Variants in HSDL2 observed in about 807,000 individuals in gnomAD.
The protein encoded by HSDL2 is hydroxysteroid dehydrogenase like 2.
HSDL2 carries 27 observed loss-of-function variants against 46.3 expected under a neutral mutation model. That is an observed-to-expected ratio of 0.58 (90% CI 0.43 to 0.80). The LOEUF (loss-of-function observed/expected upper bound fraction) is 0.80. HSDL2 is among the 30% of genes least tolerant of loss of function. The pLI is 0.00. For synonymous variants in HSDL2, 153 were observed against 163.6 expected, an observed-to-expected ratio of 0.94 and a Z score of 0.50; for missense variants, 451 against 502.7, an observed-to-expected ratio of 0.90 and a Z score of 0.98.
At chr9:112,399,500 C>T (rs1831538541) in intron 1 of HSDL2, among the ~76,000 whole-genome samples, 1 of 152,138 alleles carries the variant, frequency 6.6e-6, no homozygotes, top group African/African-American at 2.4e-5. Context: ...AGTTGGACCA[C>T]AAATTTACCA....
chr9:112,392,008 GTGTCGGCCAGC>G (rs1831356224), intron 1 of HSDL2, among the ~76,000 whole-genome samples: 1 of 152,200 alleles, frequency 6.6e-6, no homozygotes, highest in Non-Finnish European at 1.5e-5. Context: ...TTTTCCTTAA[GTGTCGGCCAGC>G]TGAGAAATAG....
At chr9:112,456,861 T>C (rs10759566) in intron 9 of HSDL2, among the ~76,000 whole-genome samples, 145,531 of 152,274 alleles carry the variant, frequency 0.96, 69,609 homozygotes, top group African/African-American at 0.98. Flanking sequence ...CTGCATGCCT[T>C]GAAAAATTGT....
chr9:112,461,380 C>G (rs1461057466), intron 10 of HSDL2, among the ~76,000 whole-genome samples: 1 of 152,036 alleles, frequency 6.6e-6, no homozygotes, highest in East Asian at 1.9e-4. Context: ...CGCCCGGCCC[C>G]TTTAATGATT....
At chr9:112,466,257 A>C (rs1276334076) in intron 10 of HSDL2, among the ~76,000 whole-genome samples, 1 of 152,000 alleles carries the variant, frequency 6.6e-6, no homozygotes, top group African/African-American at 2.4e-5. Context: ...TTTATTATTC[A>C]GTTTTAAGAA....
intron 8 of HSDL2, among the ~76,000 whole-genome samples, chr9:112,445,944 GT>G (rs1474388050): frequency 2.0e-5 from 3 of 152,304 alleles, no homozygotes; most frequent in Non-Finnish European, 2.9e-5. Flanking sequence ...CTCTACCAGA[GT>G]GGTACATTTG....
At position 112,418,827 on chromosome 9, in the gene HSDL2, TAATTA is replaced by T. The variant is rs747219815; in HGVS notation, c.500-27_500-23del. The T allele has an allele frequency of 9.0e-6, 11 of 1,215,894 alleles. No homozygotes were observed. In the African/African-American group the frequency reaches 9.4e-5, roughly 10 times the overall value. 75.3% of individuals were successfully genotyped at this position (1,215,894 alleles called of 1,614,324 possible). A position where few individuals can be genotyped will look rare whatever the true frequency, so the allele number is the denominator to read the frequency against. ...AAGTTAATCAAATTAATTTCTTTTA[TAATTA>T]AATTATTATTTTTTGTGGTTCTTTC... On this transcript the variant is annotated intron_variant, in intron 5 of 10. Coordinates refer to ENST00000398805, the MANE Select transcript of HSDL2 (RefSeq NM_032303.5).
chr9:112,471,040 GCGAGGA>G lies in HSDL2; in HGVS notation c.*498_*503del, dbSNP rs1478022152. 1 of 152,074 alleles carries G rather than the reference GCGAGGA, an allele frequency of 6.6e-6. No individual in the cohort carries two copies. The highest frequency in any genetic ancestry group is 1.5e-5 in the Non-Finnish European group (1 of 68,004). 9.4% of individuals were successfully genotyped at this position (152,074 alleles called of 1,614,324 possible). A position where few individuals can be genotyped will look rare whatever the true frequency, so the allele number is the denominator to read the frequency against. ...AATTATAAAAAATGAATTAGTACTG[GCGAGGA>G]CTAAATGAAACAATAATTTTTCATT... On this transcript the variant is annotated 3_prime_UTR_variant, in exon 11 of 11. Coordinates refer to ENST00000398805, the MANE Select transcript of HSDL2 (RefSeq NM_032303.5).
chr9:112,396,708 G>A (rs1469218828), intron 1 of HSDL2, among the ~76,000 whole-genome samples: 1 of 152,126 alleles, frequency 6.6e-6, no homozygotes, highest in Non-Finnish European at 1.5e-5. Context: ...GAACCTTGAG[G>A]TAAAGGCCCC....
chr9:112,468,186 C>G (rs80063077), intron 10 of HSDL2, among the ~76,000 whole-genome samples: 1,790 of 152,148 alleles, frequency 0.012, 41 homozygotes, highest in African/African-American at 0.04. Flanking sequence ...CCTGTCCTTT[C>G]TGAAAGTTTT....
chr9:112,403,869 G>T, intron 1 of HSDL2, 126 bp from the exon 2 acceptor site: 1 of 889,438 alleles, frequency 1.1e-6, no homozygotes, highest in East Asian at 2.5e-5. Flanking sequence ...GATGGGCATG[G>T]GGAGGGTTTA....
chr9:112,428,935 G>A (rs1373272670), intron 6 of HSDL2, among the ~76,000 whole-genome samples: 1 of 152,136 alleles, frequency 6.6e-6, no homozygotes, highest in Non-Finnish European at 1.5e-5. Flanking sequence ...GTCTTGCTCT[G>A]TTGCCCAGGC....
At chr9:112,436,960 C>CTTTTTTTT (rs780957603) in intron 6 of HSDL2, among the ~76,000 whole-genome samples, 83 of 126,752 alleles carry the variant, frequency 6.5e-4, no homozygotes, top group South Asian at 1.0e-3. Flanking sequence ...TTCTTTTTTT[C>CTTTTTTTT]TTTTTTTTTT....
At chr9:112,445,516 T>C (rs1402907355) in intron 8 of HSDL2, among the ~76,000 whole-genome samples, 1 of 152,110 alleles carries the variant, frequency 6.6e-6, no homozygotes, top group Non-Finnish European at 1.5e-5. Context: ...ATATAGTTTT[T>C]TTTTTTAAGG....
At chr9:112,447,842 AC>A (rs1832786733) in intron 8 of HSDL2, among the ~76,000 whole-genome samples, 2 of 152,112 alleles carry the variant, frequency 1.3e-5, no homozygotes, top group African/African-American at 4.8e-5. Flanking sequence ...GCTTTCTGGA[AC>A]AAGCCAAGTT....
chr9:112,413,941 TC>T, intron 4 of HSDL2: 1 of 206,242 alleles, frequency 4.8e-6, no homozygotes, highest in Admixed American at 5.6e-5. Context: ...TCTGTATTTG[TC>T]CCGGTTGGCT....
At chr9:112,414,527 T>G (rs1174977850) in intron 4 of HSDL2, among the ~76,000 whole-genome samples, 1 of 152,176 alleles carries the variant, frequency 6.6e-6, no homozygotes, top group Non-Finnish European at 1.5e-5. Flanking sequence ...ATGCACCTGA[T>G]GTAGGATTAG....
chr9:112,447,569 G>A (rs1324986441), intron 8 of HSDL2, among the ~76,000 whole-genome samples: 1 of 152,146 alleles, frequency 6.6e-6, no homozygotes, highest in African/African-American at 2.4e-5. Context: ...CGAAACACAT[G>A]ACCTGCCTTT....
intron 9 of HSDL2, among the ~76,000 whole-genome samples, chr9:112,456,803 T>G (rs1833040892): frequency 6.6e-6 from 1 of 152,160 alleles, no homozygotes; most frequent in Non-Finnish European, 1.5e-5. Flanking sequence ...ATCTGCTGAG[T>G]GTCTGGCTTG....
intron 1 of HSDL2, among the ~76,000 whole-genome samples, chr9:112,401,584 G>C (rs775140719): frequency 4.0e-5 from 6 of 151,788 alleles, no homozygotes; most frequent in Non-Finnish European, 7.4e-5. Context: ...GCCACACACA[G>C]ACAGGTGGTG....
Sources: allele counts gnomAD v4.1 joint callset (sites outside exome capture counted in the v4.1 genomes callset), GRCh38; gene constraint gnomAD v4.1.1; transcripts MANE v1.5; gene names NCBI Gene and HGNC (gene_info 2026-07-23, HGNC 2026-07-21).